DLG2: variants seen among roughly 807,000 people sequenced by gnomAD.
The protein encoded by DLG2 is disks large homolog 2.
DLG2 carries 45 observed loss-of-function variants against 132.5 expected under a neutral mutation model. The observed-to-expected ratio is 0.34, with a 90% CI of 0.27 to 0.44. The LOEUF is 0.44. Ranked by LOEUF, DLG2 falls within the 20% of genes least tolerant of loss-of-function variation. The pLI, the probability that DLG2 is intolerant of heterozygous loss-of-function variation, is 1.00. For synonymous variants in DLG2, 424 were observed against 419.6 expected, an observed-to-expected ratio of 1.01 and a Z score of -0.13; for missense variants, 1,045 against 1,196.9, an observed-to-expected ratio of 0.87 and a Z score of 1.87.
At chr11:85,033,742 T>G (rs2061218019) in intron 6 of DLG2, among the ~76,000 whole-genome samples, 1 of 152,220 alleles carries the variant, frequency 6.6e-6, no homozygotes, top group African/African-American at 2.4e-5. Context: ...GAAAACTATT[T>G]GAAATATTTT....
In DLG2 at chr11:84,095,449, A is replaced by G. The variant is rs139152461; in HGVS notation, c.749+3474T>C. ...TTAGAACCCACATCTTTCCAGAGCT[A>G]ATTACAATGTCCTTCTCCCATGTCC... On this transcript the variant is annotated intron_variant, in intron 10 of 27. Transcript: ENST00000376104. Among the ~76,000 whole-genome samples, 39 of 152,320 alleles carry G rather than the reference A, an allele frequency of 2.6e-4. 1 individual carries two copies. The East Asian group carries it at 6.8e-3, about 26-fold the overall frequency.
intron 6 of DLG2, among the ~76,000 whole-genome samples, chr11:84,796,796 T>G (rs1251676474): frequency 6.6e-6 from 1 of 151,794 alleles, no homozygotes; most frequent in Non-Finnish European, 1.5e-5. Flanking sequence ...GTTATTTGTG[T>G]CTTTTCTTTT....
At chr11:84,213,002 T>C (rs1393573911) in intron 8 of DLG2, among the ~76,000 whole-genome samples, 4 of 152,214 alleles carry the variant, frequency 2.6e-5, no homozygotes, top group Non-Finnish European at 5.9e-5. Context: ...AGTTCCCGTC[T>C]GAAAATCCAT....
chr11:85,416,778 T>C (rs897692642), intron 3 of DLG2, among the ~76,000 whole-genome samples: 1 of 152,224 alleles, frequency 6.6e-6, no homozygotes, highest in Non-Finnish European at 1.5e-5. Context: ...CTTGTGATTT[T>C]TGGACATTAA....
At chr11:83,742,268 T>A (rs926173112) in intron 18 of DLG2, among the ~76,000 whole-genome samples, 1 of 151,548 alleles carries the variant, frequency 6.6e-6, no homozygotes, top group African/African-American at 2.4e-5. Context: ...ATGATGGCTA[T>A]GTTAATTTGA....
chr11:85,468,605 C>T (rs1432127495), intron 3 of DLG2, among the ~76,000 whole-genome samples: 3 of 152,140 alleles, frequency 2.0e-5, no homozygotes, highest in Admixed American at 2.0e-4. Flanking sequence ...GTTCAGTTTC[C>T]ATGTAGTTGA....
At chr11:85,488,087 T>C (rs1222989098) in intron 3 of DLG2, among the ~76,000 whole-genome samples, 2 of 152,302 alleles carry the variant, frequency 1.3e-5, no homozygotes, top group African/African-American at 4.8e-5. Flanking sequence ...CTCTTGACAC[T>C]GACATGTAAG....
At chr11:84,842,338 A>T (rs924950169) in intron 6 of DLG2, among the ~76,000 whole-genome samples, 1 of 152,022 alleles carries the variant, frequency 6.6e-6, no homozygotes, top group Non-Finnish European at 1.5e-5. Flanking sequence ...CAAGTAATTT[A>T]TCCAGGGCCA....
At chr11:85,426,717 C>A (rs554477007) in intron 3 of DLG2, among the ~76,000 whole-genome samples, 2 of 152,168 alleles carry the variant, frequency 1.3e-5, no homozygotes, top group African/African-American at 2.4e-5. Flanking sequence ...AAAATCAGAG[C>A]ACCTCTCCTC....
At chr11:85,470,947 C>T (rs2092966551) in intron 3 of DLG2, among the ~76,000 whole-genome samples, 1 of 152,180 alleles carries the variant, frequency 6.6e-6, no homozygotes, top group South Asian at 2.1e-4. Flanking sequence ...ACGCAACTGT[C>T]TTATCTTCTG....
chr11:83,983,588 A>T (rs576350144), intron 11 of DLG2, among the ~76,000 whole-genome samples: 16 of 152,196 alleles, frequency 1.1e-4, no homozygotes, highest in Admixed American at 2.0e-4. Context: ...AAATGCAATG[A>T]TCGTTAAATT....
chr11:84,596,385 T>C (rs56892049), intron 6 of DLG2, among the ~76,000 whole-genome samples: 25,253 of 150,362 alleles, frequency 0.17, 2,459 homozygotes, highest in African/African-American at 0.27. Flanking sequence ...TTTTCTTTTT[T>C]TTTTTTTTTT....
intron 6 of DLG2, among the ~76,000 whole-genome samples, chr11:85,009,916 C>T (rs576580226): frequency 9.9e-5 from 15 of 152,222 alleles, no homozygotes; most frequent in African/African-American, 3.6e-4. Context: ...TGCATCTATG[C>T]TTTGCCATGG....
At chr11:84,217,320 G>A (rs2096849374) in intron 8 of DLG2, among the ~76,000 whole-genome samples, 1 of 152,124 alleles carries the variant, frequency 6.6e-6, no homozygotes, top group Non-Finnish European at 1.5e-5. Flanking sequence ...TGAATCATGG[G>A]GGCAGGTCTT....
intron 6 of DLG2, among the ~76,000 whole-genome samples, chr11:84,556,993 C>A (rs902598534): frequency 6.6e-6 from 1 of 152,192 alleles, no homozygotes; most frequent in Non-Finnish European, 1.5e-5. Flanking sequence ...CATCCCGGGT[C>A]ATATCTGTCT....
intron 4 of DLG2, among the ~76,000 whole-genome samples, chr11:85,283,617 C>T (rs1035834916): frequency 2.0e-5 from 3 of 151,524 alleles, no homozygotes; most frequent in Non-Finnish European, 4.4e-5. Flanking sequence ...AAATAGACAA[C>T]CAATAATCAT....
At chr11:85,023,229 CAG>C (rs1471895405) in intron 6 of DLG2, among the ~76,000 whole-genome samples, 22 of 152,058 alleles carry the variant, frequency 1.4e-4, no homozygotes, top group African/African-American at 4.6e-4. Flanking sequence ...AAATAAAAAA[CAG>C]TAACACTGGA....
intron 5 of DLG2, among the ~76,000 whole-genome samples, chr11:85,134,148 C>T (rs544872617): frequency 5.3e-5 from 8 of 152,108 alleles, no homozygotes; most frequent in African/African-American, 1.7e-4. Flanking sequence ...AATACATAGT[C>T]AACTGGACCA....
At chr11:83,467,353 T>C (rs1296105117) in intron 25 of DLG2, among the ~76,000 whole-genome samples, 1 of 152,064 alleles carries the variant, frequency 6.6e-6, no homozygotes, top group African/African-American at 2.4e-5. Context: ...CAACATTCGG[T>C]GTGGAAGATT....
Sources: gnomAD v4.1 joint callset for allele counts (sites outside exome capture counted in the v4.1 genomes callset) on GRCh38, gnomAD v4.1.1 for gene constraint, MANE v1.5 for transcripts, NCBI Gene and HGNC (gene_info 2026-07-23, HGNC 2026-07-21) for gene names.